The following KHDRBS2 variants were observed in gnomAD, a reference collection of about 807,000 sequenced individuals.
KHDRBS2 encodes the protein KH domain-containing, RNA-binding, signal transduction-associated protein 2.
In KHDRBS2, 26 loss-of-function variants were observed where a neutral mutation model predicts 44.3. The observed-to-expected ratio is 0.59, with a 90% CI of 0.43 to 0.81. The LOEUF (loss-of-function observed/expected upper bound fraction) is 0.81. Ranked by LOEUF, KHDRBS2 falls within the 40% of genes least tolerant of loss-of-function variation. The pLI is 0.00. For synonymous variants in KHDRBS2, 194 were observed against 151.1 expected, an observed-to-expected ratio of 1.28 and a Z score of -2.08; for missense variants, 476 against 433.1, an observed-to-expected ratio of 1.10 and a Z score of -0.88.
At chr6:61,598,411 A>G in the KHDRBS2 span, among the ~76,000 whole-genome samples, 1 of 152,198 alleles carries the variant, frequency 6.6e-6, no homozygotes, top group African/African-American at 2.4e-5. Flanking sequence ...TTATTAGCCA[A>G]ATGAGGTACA....
the KHDRBS2 span, among the ~76,000 whole-genome samples, chr6:61,632,356 C>G: frequency 2.0e-5 from 3 of 151,974 alleles, no homozygotes; most frequent in Admixed American, 6.6e-5. Context: ...GAAGAAAACA[C>G]TTAAGGAGAC....
chr6:61,954,683 CTTAT>C (rs1562511756), intron 4 of KHDRBS2, among the ~76,000 whole-genome samples: 2 of 101,792 alleles, frequency 2.0e-5, no homozygotes, highest in Non-Finnish European at 4.3e-5. Flanking sequence ...CACATACATA[CTTAT>C]GTATACATAC....
chr6:61,564,467 T>A, the KHDRBS2 span, among the ~76,000 whole-genome samples: 1 of 152,128 alleles, frequency 6.6e-6, no homozygotes, highest in South Asian at 2.1e-4. Context: ...TTGCTTCTTT[T>A]GTTGTCGTAA....
At chr6:62,268,690 T>C (rs1371019617) in intron 1 of KHDRBS2, among the ~76,000 whole-genome samples, 1 of 151,866 alleles carries the variant, frequency 6.6e-6, no homozygotes, top group Non-Finnish European at 1.5e-5. Context: ...GAGGAAAAAA[T>C]GTTTCCTCAA....
the KHDRBS2 span, among the ~76,000 whole-genome samples, chr6:61,543,351 T>C: frequency 5.3e-5 from 8 of 151,964 alleles, no homozygotes; most frequent in Non-Finnish European, 7.4e-5. Flanking sequence ...AAAATAGATA[T>C]ATGTAGAGGT....
chr6:61,563,836 A>G, the KHDRBS2 span, among the ~76,000 whole-genome samples: 3 of 152,074 alleles, frequency 2.0e-5, no homozygotes, highest in African/African-American at 7.2e-5. Flanking sequence ...AAAAAAGCTC[A>G]CTGCAGTGTG....
At chr6:62,169,034 C>CAT (rs369570219) in intron 2 of KHDRBS2, among the ~76,000 whole-genome samples, 4,532 of 72,488 alleles carry the variant, frequency 0.063, 210 homozygotes, top group South Asian at 0.092. Context: ...GTTCTCCAGT[C>CAT]ATATATATAT....
chr6:62,020,717 T>C (rs190523397), intron 3 of KHDRBS2, among the ~76,000 whole-genome samples: 39 of 152,184 alleles, frequency 2.6e-4, no homozygotes, highest in Admixed American at 9.2e-4. Context: ...TATTCTTTTA[T>C]CTGAAATCTA....
intron 2 of KHDRBS2, among the ~76,000 whole-genome samples, chr6:62,096,514 T>C (rs1184571400): frequency 6.6e-6 from 1 of 151,930 alleles, no homozygotes. Flanking sequence ...GGGGTATAAT[T>C]GTTCACAATA....
At chr6:62,150,792 C>T (rs1276763804) in intron 2 of KHDRBS2, among the ~76,000 whole-genome samples, 1 of 152,118 alleles carries the variant, frequency 6.6e-6, no homozygotes, top group African/African-American at 2.4e-5. Flanking sequence ...CTTTACATTC[C>T]CACAACCCAG....
At chr6:61,817,783 T>G (rs540114381) in intron 6 of KHDRBS2, among the ~76,000 whole-genome samples, 1 of 151,708 alleles carries the variant, frequency 6.6e-6, no homozygotes, top group African/African-American at 2.4e-5. Flanking sequence ...TAGCTTCCAC[T>G]TAATGAAGCT....
At chr6:62,057,483 T>A (rs918962225) in intron 2 of KHDRBS2, among the ~76,000 whole-genome samples, 1 of 151,998 alleles carries the variant, frequency 6.6e-6, no homozygotes, top group African/African-American at 2.4e-5. Flanking sequence ...TTCCACTTAC[T>A]TTCAACCTAT....
chr6:62,240,397 T>C (rs1834404112), intron 1 of KHDRBS2, among the ~76,000 whole-genome samples: 1 of 151,924 alleles, frequency 6.6e-6, no homozygotes, highest in South Asian at 2.1e-4. Context: ...TGGTTTCCTT[T>C]ACTAGAGAAG....
intron 1 of KHDRBS2, among the ~76,000 whole-genome samples, chr6:62,195,066 G>T (rs925773579): frequency 2.0e-4 from 31 of 152,074 alleles, no homozygotes; most frequent in Middle Eastern, 3.4e-3. Flanking sequence ...ATGAACATGG[G>T]ATACATTTAC....
chr6:61,893,592 C>A lies in KHDRBS2; in HGVS notation c.810+1043G>T, dbSNP rs1431256544. ...CCATAAAAAATGATGAGTTCATGTCCTTTGTAGGGACATGGATGAAGCTGG... is the reference window on the plus strand; with the variant it reads ...CCATAAAAAATGATGAGTTCATGTCATTTGTAGGGACATGGATGAAGCTGG... On this transcript the variant is annotated intron_variant, in intron 6 of 8. Transcript: ENST00000281156. 3.3e-5 allele frequency among the ~76,000 whole-genome samples: 5 copies of A among 152,206 alleles called. No individual in the cohort carries two copies. In the South Asian group the frequency reaches 1.0e-3, roughly 32 times the overall value.
chr6:61,602,967 C>G, the KHDRBS2 span, among the ~76,000 whole-genome samples: 4 of 152,254 alleles, frequency 2.6e-5, no homozygotes, highest in Non-Finnish European at 5.9e-5. Flanking sequence ...CCTTCACATC[C>G]TTTCCTTGTA....
intron 4 of KHDRBS2, among the ~76,000 whole-genome samples, chr6:61,937,831 C>T (rs1381071930): frequency 7.2e-5 from 11 of 152,094 alleles, no homozygotes; most frequent in Non-Finnish European, 1.3e-4. Context: ...CAGCTTTATA[C>T]CCATGAGTTA....
At chr6:61,833,171 A>T (rs1792109215) in intron 6 of KHDRBS2, among the ~76,000 whole-genome samples, 1 of 152,212 alleles carries the variant, frequency 6.6e-6, no homozygotes, top group African/African-American at 2.4e-5. Flanking sequence ...TCTTTACCTT[A>T]GCTATCTCAG....
intron 1 of KHDRBS2, among the ~76,000 whole-genome samples, chr6:62,233,979 T>C (rs749726738): frequency 1.4e-4 from 22 of 152,166 alleles, no homozygotes; most frequent in Non-Finnish European, 3.2e-4. Context: ...TACAATGATT[T>C]ATATTTTTTT....
Sources: gnomAD v4.1 joint callset for allele counts (sites outside exome capture counted in the v4.1 genomes callset) on GRCh38, gnomAD v4.1.1 for gene constraint, MANE v1.5 for transcripts, NCBI Gene and HGNC (gene_info 2026-07-23, HGNC 2026-07-21) for gene names.